ASIC2: variants seen among roughly 807,000 people sequenced by gnomAD.
ASIC2 encodes the protein acid-sensing ion channel 2.
A neutral mutation model predicts 57.3 loss-of-function variants in ASIC2; 25 were observed. The ratio of observed to expected loss-of-function variants is 0.44; its 90% CI spans 0.32 to 0.61. ASIC2 has a LOEUF of 0.61. Ranked by LOEUF, ASIC2 falls within the 20% of genes least tolerant of loss-of-function variation. The pLI is 0.06. For synonymous variants in ASIC2, 319 were observed against 307.5 expected (o/e 1.04, Z -0.39); for missense variants, 641 against 738.1 (o/e 0.87, Z 1.52).
intron 1 of ASIC2, among the ~76,000 whole-genome samples, chr17:33,237,574 T>A (rs2142115523): frequency 6.6e-6 from 1 of 152,164 alleles, no homozygotes; most frequent in African/African-American, 2.4e-5. Context: ...GGTCTCGAAC[T>A]CCCGACCTCG....
rs533878236 is a variant in ASIC2 at position 33,620,515 on chromosome 17, T to C, written c.556-508448A>G. On this transcript the variant is annotated intron_variant, in intron 1 of 9. Coordinates refer to the ASIC2 transcript ENST00000359872. ...TGCTTTGTGCAGTGTTTTCTGAAGC[T>C]GGTGAAGTTTCCAGTGGAATCTAGT... Among the ~76,000 whole-genome samples, 9 of 152,352 alleles carry C rather than the reference T, an allele frequency of 5.9e-5. No individual in the cohort carries two copies. The East Asian group carries it at 1.7e-3, about 29-fold the overall frequency.
intron 1 of ASIC2, among the ~76,000 whole-genome samples, chr17:34,081,554 T>G (rs776059585): frequency 6.6e-6 from 1 of 152,174 alleles, no homozygotes; most frequent in Non-Finnish European, 1.5e-5. Context: ...TGGATAGCGC[T>G]GAGAACAGCA....
At chr17:33,713,688 T>C (rs1013732149) in intron 1 of ASIC2, among the ~76,000 whole-genome samples, 10 of 152,360 alleles carry the variant, frequency 6.6e-5, no homozygotes, top group Middle Eastern at 6.8e-3. Context: ...TTGAGGGCAA[T>C]GCTATTCAAC....
At chr17:33,346,613 T>C (rs1207554368) in intron 1 of ASIC2, among the ~76,000 whole-genome samples, 2 of 152,150 alleles carry the variant, frequency 1.3e-5, no homozygotes, top group East Asian at 1.9e-4. Flanking sequence ...AAGTTTGAGA[T>C]ACCTGTTAGG....
intron 1 of ASIC2, among the ~76,000 whole-genome samples, chr17:33,402,116 A>G (rs1036123730): frequency 6.6e-6 from 1 of 152,064 alleles, no homozygotes; most frequent in Non-Finnish European, 1.5e-5. Flanking sequence ...TGCAAGCCTC[A>G]AGCCCACTGG....
chr17:33,796,587 T>A (rs1345312247), intron 1 of ASIC2, among the ~76,000 whole-genome samples: 1 of 152,184 alleles, frequency 6.6e-6, no homozygotes, highest in African/African-American at 2.4e-5. Flanking sequence ...TGACTCTATA[T>A]CATGGTCAAC....
rs1913117189 is a variant in ASIC2, at chr17:33,473,396, A to C, written c.556-361329T>G. 4.6e-5 allele frequency among the ~76,000 whole-genome samples: 7 copies of C among 152,320 alleles called. No individual in the cohort carries two copies. The South Asian group carries it at 1.5e-3, about 32-fold the overall frequency. ...GAGATGAAGGATGCAGAATGAATGG[A>C]GATCAGACCCCAGGTACTCTGCTAT... On this transcript the variant is annotated intron_variant, in intron 1 of 9. Coordinates refer to the ASIC2 transcript ENST00000359872.
chr17:33,535,157 T>G (rs17836850), intron 1 of ASIC2, among the ~76,000 whole-genome samples: 12,859 of 152,192 alleles, frequency 0.084, 744 homozygotes, highest in East Asian at 0.29. Flanking sequence ...AAAGACTGAA[T>G]CTGTGTAGGG....
intron 1 of ASIC2, among the ~76,000 whole-genome samples, chr17:33,545,580 C>T (rs112042782): frequency 0.014 from 2,088 of 152,294 alleles, 21 homozygotes; most frequent in Middle Eastern, 0.054. Context: ...CACCTCTAAT[C>T]ACAATGATTC....
intron 1 of ASIC2, among the ~76,000 whole-genome samples, chr17:33,268,341 TCATCCATCCATCCATCCATC>T (rs35123270): frequency 7.4e-5 from 11 of 147,814 alleles, no homozygotes; most frequent in South Asian, 2.2e-4. Context: ...CATCTTTCCA[TCATCCATCCATCCATCCATC>T]CATCCATCCA....
chr17:33,632,661 C>T (rs908991180), intron 1 of ASIC2, among the ~76,000 whole-genome samples: 1 of 152,122 alleles, frequency 6.6e-6, no homozygotes, highest in Non-Finnish European at 1.5e-5. Context: ...TCCCAAACTC[C>T]TGGCCTCAAG....
chr17:33,506,495 G>A (rs552373071), intron 1 of ASIC2, among the ~76,000 whole-genome samples: 2 of 151,788 alleles, frequency 1.3e-5, no homozygotes, highest in African/African-American at 2.4e-5. Flanking sequence ...GGAAGAGAGA[G>A]AATATACCTT....
chr17:33,917,083 G>T (rs1275006253), intron 1 of ASIC2, among the ~76,000 whole-genome samples: 1 of 152,060 alleles, frequency 6.6e-6, no homozygotes, highest in African/African-American at 2.4e-5. Context: ...CCCTTGACTT[G>T]GGCTGTTTGC....
At chr17:34,043,278 T>G (rs899072605) in intron 1 of ASIC2, among the ~76,000 whole-genome samples, 2 of 152,240 alleles carry the variant, frequency 1.3e-5, no homozygotes, top group Non-Finnish European at 2.9e-5. Flanking sequence ...TCTATTTTTC[T>G]ATATGTATGC....
chr17:34,150,579 AT>A (rs1402401921), intron 1 of ASIC2, among the ~76,000 whole-genome samples: 1 of 152,228 alleles, frequency 6.6e-6, no homozygotes, highest in Non-Finnish European at 1.5e-5. Context: ...AGGGTGTTAA[AT>A]CATTTCTAAG....
At chr17:33,916,504 T>C (rs1915589149) in intron 1 of ASIC2, among the ~76,000 whole-genome samples, 2 of 152,314 alleles carry the variant, frequency 1.3e-5, no homozygotes, top group South Asian at 2.1e-4. Context: ...GTCTTTTCAA[T>C]TTAACTCAGT....
intron 1 of ASIC2, among the ~76,000 whole-genome samples, chr17:34,015,701 T>C (rs2142024836): frequency 6.6e-6 from 1 of 152,396 alleles, no homozygotes; most frequent in Middle Eastern, 3.4e-3. Flanking sequence ...TCTAATTCTA[T>C]ATTCCTTTCG....
intron 1 of ASIC2, among the ~76,000 whole-genome samples, chr17:33,217,548 C>G (rs1337128432): frequency 6.6e-6 from 1 of 152,170 alleles, no homozygotes; most frequent in East Asian, 1.9e-4. Context: ...ATAGGCTGTG[C>G]TGAACGCCTT....
chr17:34,099,187 A>G (rs1423577838), intron 1 of ASIC2, among the ~76,000 whole-genome samples: 5 of 110,792 alleles, frequency 4.5e-5, no homozygotes, highest in African/African-American at 1.5e-4. Context: ...AAAGAAAGAA[A>G]GAAAGAAAGA....
Sources: allele counts gnomAD v4.1 joint callset (sites outside exome capture counted in the v4.1 genomes callset), GRCh38; gene constraint gnomAD v4.1.1; transcripts MANE v1.5; gene names NCBI Gene and HGNC (gene_info 2026-07-23, HGNC 2026-07-21).